Variants in ALK observed in about 807,000 individuals in gnomAD.
The protein encoded by ALK is ALK tyrosine kinase receptor.
ALK carries 74 observed loss-of-function variants against 163.1 expected under a neutral mutation model. The ratio of observed to expected loss-of-function variants is 0.45; its 90% CI spans 0.38 to 0.55. ALK has a LOEUF of 0.55. Among genes scored for constraint, ALK ranks in the 20% least tolerant of loss-of-function variants. The probability of loss-of-function intolerance (pLI) is 0.00; values close to 1 mark genes in which losing one functional copy is unlikely to be tolerated. For missense variants in ALK, 2,063 were observed against 2,105.3 expected, an observed-to-expected ratio of 0.98 and a Z score of 0.39; for synonymous variants, 960 against 843.2, an observed-to-expected ratio of 1.14 and a Z score of -2.40.
In ALK at chr2:29,920,665, C is replaced by A. The variant is rs778056023; in HGVS notation, c.-6G>T. 6.5e-7 allele frequency: 1 copy of A among 1,534,496 alleles called. No individual in the cohort carries two copies. Among genetic ancestry groups the A allele is most frequent in the South Asian group, 1.2e-5 (1 of 84,000 alleles). ...AGGAGCCCGATGGCTCCCATCCCGC[C>A]GGAGGAGGCCGTTTACACTGCTCTC... On this transcript the variant is annotated 5_prime_UTR_variant, in exon 1 of 29. Coordinates refer to ENST00000389048, the MANE Select transcript of ALK (RefSeq NM_004304.5).
chr2:29,661,678 A>G (rs1356388777), intron 3 of ALK, among the ~76,000 whole-genome samples: 2 of 152,168 alleles, frequency 1.3e-5, no homozygotes, highest in African/African-American at 4.8e-5. Context: ...AAGATTATAC[A>G]GTAAATAAAT....
intron 1 of ALK, among the ~76,000 whole-genome samples, chr2:29,804,099 G>T (rs6744445): frequency 0.7 from 106,654 of 152,184 alleles, 37,569 homozygotes; most frequent in South Asian, 0.78. Flanking sequence ...TTTTCTTTTT[G>T]CTCATTACAG....
At chr2:29,503,259 T>C (rs1294052567) in intron 4 of ALK, among the ~76,000 whole-genome samples, 1 of 152,216 alleles carries the variant, frequency 6.6e-6, no homozygotes. Context: ...ACACAAGTGG[T>C]ATTACGGGTC....
chr2:29,557,615 T>A (rs1016558593), intron 3 of ALK, among the ~76,000 whole-genome samples: 1 of 152,146 alleles, frequency 6.6e-6, no homozygotes. Context: ...GAAACACCCA[T>A]TGATAGGTCA....
intron 3 of ALK, among the ~76,000 whole-genome samples, chr2:29,683,526 G>T (rs971954608): frequency 1.3e-5 from 2 of 152,174 alleles, no homozygotes; most frequent in African/African-American, 4.8e-5. Context: ...TGCTATGCAG[G>T]TTAAAGGTCC....
In ALK at chr2:29,226,784, G is replaced by A. The variant is rs1664009117; in HGVS notation, c.3067+138C>T. The A allele has an allele frequency of 5.6e-6, 6 of 1,072,564 alleles. No homozygotes were observed. In the East Asian group the frequency reaches 7.1e-5, roughly 13 times the overall value. 66.4% of individuals were successfully genotyped at this position (1,072,564 alleles called of 1,614,324 possible). A position where few individuals can be genotyped will look rare whatever the true frequency, so the allele number is the denominator to read the frequency against. ...CTTTCACACAGTGGTCAGAGCACTCGAGCTGTGGCAGGTAGGGGAGGGACA... is the reference window on the plus strand; with the variant it reads ...CTTTCACACAGTGGTCAGAGCACTCAAGCTGTGGCAGGTAGGGGAGGGACA... On this transcript the variant is annotated intron_variant, in intron 18 of 28. Coordinates refer to ENST00000389048, the MANE Select transcript of ALK (RefSeq NM_004304.5).
intron 1 of ALK, among the ~76,000 whole-genome samples, chr2:29,884,954 G>T (rs1361605357): frequency 3.3e-5 from 5 of 152,124 alleles, no homozygotes; most frequent in Non-Finnish European, 2.9e-5. Flanking sequence ...AGGGAGGAAG[G>T]GATAGGCTAA....
chr2:29,586,856 G>C (rs1351002578), intron 3 of ALK, among the ~76,000 whole-genome samples: 1 of 152,166 alleles, frequency 6.6e-6, no homozygotes, highest in African/African-American at 2.4e-5. Context: ...ACTAAAGCCT[G>C]AGCAGTTAAG....
intron 4 of ALK, among the ~76,000 whole-genome samples, chr2:29,530,166 C>T (rs898446550): frequency 7.2e-4 from 108 of 149,894 alleles, no homozygotes; most frequent in African/African-American, 2.4e-3. Context: ...TGGAAAGAGT[C>T]CAGTTTGGAC....
intron 4 of ALK, among the ~76,000 whole-genome samples, chr2:29,525,372 A>C (rs552517403): frequency 6.6e-6 from 1 of 152,342 alleles, no homozygotes; most frequent in East Asian, 1.9e-4. Flanking sequence ...GTGATCAACC[A>C]ATTCAAGCTG....
intron 26 of ALK, among the ~76,000 whole-genome samples, chr2:29,203,092 G>A (rs561978255): frequency 5.3e-5 from 8 of 152,288 alleles, no homozygotes; most frequent in Non-Finnish European, 8.8e-5. Flanking sequence ...TAGAGTTTCT[G>A]TTGTATTAGG....
At chr2:29,817,904 A>G (rs999662562) in intron 1 of ALK, among the ~76,000 whole-genome samples, 8 of 152,204 alleles carry the variant, frequency 5.3e-5, no homozygotes, top group Non-Finnish European at 7.3e-5. Context: ...CTGAGCTCTT[A>G]AGACTGGATT....
At chr2:29,228,461 G>T (rs772218010) in intron 16 of ALK, among the ~76,000 whole-genome samples, 1 of 152,146 alleles carries the variant, frequency 6.6e-6, no homozygotes, top group Admixed American at 6.5e-5. Flanking sequence ...CAGGCACAGC[G>T]GCGCCTTTCA....
chr2:29,873,998 C>T (rs1001446660), intron 1 of ALK, among the ~76,000 whole-genome samples: 9 of 152,078 alleles, frequency 5.9e-5, no homozygotes, highest in Admixed American at 1.3e-4. Context: ...GAAGAAATAC[C>T]GGTTCCATAA....
chr2:29,368,613 G>A (rs527491332), intron 5 of ALK, among the ~76,000 whole-genome samples: 112 of 152,304 alleles, frequency 7.4e-4, no homozygotes, highest in African/African-American at 2.5e-3. Context: ...GAATATACCA[G>A]GTAGGGAAAT....
At chr2:29,497,279 G>GAA (rs373042682) in intron 4 of ALK, among the ~76,000 whole-genome samples, 66,691 of 147,752 alleles carry the variant, frequency 0.45, 15,401 homozygotes, top group Middle Eastern at 0.5. Context: ...TCTCAAAAAA[G>GAA]AAAAAAAAAA....
At chr2:29,236,078 C>T (rs186347702) in intron 13 of ALK, among the ~76,000 whole-genome samples, 16 of 150,752 alleles carry the variant, frequency 1.1e-4, no homozygotes, top group East Asian at 5.9e-4. Flanking sequence ...ACTAACTAAG[C>T]GATTCTCCTG....
chr2:29,332,797 T>C (rs1201802642), intron 5 of ALK, among the ~76,000 whole-genome samples: 2 of 152,374 alleles, frequency 1.3e-5, no homozygotes, highest in East Asian at 1.9e-4. Flanking sequence ...AGTCTGTTTA[T>C]GATGACGCTT....
At chr2:29,305,730 C>A (rs916995370) in intron 8 of ALK, among the ~76,000 whole-genome samples, 1 of 152,158 alleles carries the variant, frequency 6.6e-6, no homozygotes, top group East Asian at 1.9e-4. Flanking sequence ...CTTTCTGACA[C>A]CAGAGACCAG....
Sources: allele counts gnomAD v4.1 joint callset (sites outside exome capture counted in the v4.1 genomes callset), GRCh38; gene constraint gnomAD v4.1.1; transcripts MANE v1.5; gene names NCBI Gene and HGNC (gene_info 2026-07-23, HGNC 2026-07-21).